The following FBXO10 variants were observed in gnomAD, a reference collection of about 807,000 sequenced individuals.
FBXO10 encodes the protein F-box protein 10, also known as F-box only protein 10.
Under a neutral mutation model 80.7 loss-of-function variants are expected in FBXO10, and 39 were observed. That is an observed-to-expected ratio of 0.48 (90% CI 0.37 to 0.63). The LOEUF (loss-of-function observed/expected upper bound fraction) is 0.63, where lower values mean the gene tolerates loss of function less well. Ranked by LOEUF, FBXO10 falls within the 30% of genes least tolerant of loss-of-function variation. The probability of loss-of-function intolerance (pLI) is 0.00; values close to 1 mark genes in which losing one functional copy is unlikely to be tolerated. For synonymous variants in FBXO10, 449 were observed against 489.6 expected (o/e 0.92, Z 1.09); for missense variants, 1,025 against 1,269.0 (o/e 0.81, Z 2.92).
At chr9:37,561,173 CTT>C (rs78284002) in intron 1 of FBXO10, among the ~76,000 whole-genome samples, 8,138 of 129,740 alleles carry the variant, frequency 0.063, 330 homozygotes, top group South Asian at 0.18. Context: ...ACAAAATCAA[CTT>C]TTTTTTTTTT....
At chr9:37,525,786 G>A (rs951353621) in intron 5 of FBXO10, among the ~76,000 whole-genome samples, 3 of 152,026 alleles carry the variant, frequency 2.0e-5, no homozygotes, top group Admixed American at 6.6e-5. Context: ...TGACCCATCC[G>A]CCTCAGCCTC....
intron 1 of FBXO10, among the ~76,000 whole-genome samples, chr9:37,547,781 C>T (rs981528252): frequency 1.3e-5 from 2 of 152,106 alleles, no homozygotes; most frequent in Non-Finnish European, 2.9e-5. Context: ...CATAGCAAGA[C>T]CCCGTCTCTA....
At chr9:37,529,086 G>A in intron 5 of FBXO10, 38 bp downstream of exon 5, 1 of 1,612,854 alleles carries the variant, frequency 6.2e-7, no homozygotes, top group African/African-American at 1.3e-5. Context: ...ACAGGGAGGA[G>A]GTTAACAAAG....
In FBXO10 at chr9:37,541,734, C is replaced by G; in HGVS notation, c.35G>C (p.Arg12Pro). The G allele has an allele frequency of 6.2e-7, 1 of 1,609,814 alleles. No individual in the cohort carries two copies. Among genetic ancestry groups the G allele is most frequent in the Non-Finnish European group, 8.5e-7 (1 of 1,177,350 alleles). ...AAGGTGCAAGTAGGCTAAGATCATG[C>G]GCCACAGCTCCAAGGGGAGGCCACC... ...EAGGLPLELW[R>P]MILAYLHLPD... Residue 12 changes from arginine (R) to proline (P), a missense_variant, in exon 2 of 11, where the codon CGC (arginine) becomes CCC (proline). Physicochemically the swap from Arg to Pro is moderately radical, Grantham distance 103. Coordinates refer to ENST00000432825, the MANE Select transcript of FBXO10 (RefSeq NM_012166.3).
Position 37,515,963 on chromosome 9 carries a change from CT to C in FBXO10, c.2636del (p.Gln879ArgfsTer28), listed in dbSNP as rs763058037. The C allele has an allele frequency of 6.2e-7, 1 of 1,614,036 alleles. No individual in the cohort carries two copies. The highest frequency in any genetic ancestry group is 8.5e-7 in the Non-Finnish European group (1 of 1,179,896). Reference sequence around the variant, plus strand: ...TGATGCATTCTCGGTTGTTTGAGATCTGCTGAAAGATGGTCTTACTGGTTTT... The same window carrying C: ...TGATGCATTCTCGGTTGTTTGAGATCGCTGAAAGATGGTCTTACTGGTTTT... ...QGKTSKTIFQQISNNRECIMQ... is the reference protein window; with the variant it reads ...QGKTSKTIFQXISNNRECIMQ... On this transcript the variant is annotated frameshift_variant, in exon 10 of 11. Coordinates refer to ENST00000432825, the MANE Select transcript of FBXO10 (RefSeq NM_012166.3). LOFTEE classifies it high-confidence loss of function.
At chr9:37,566,458 GGAA>G (rs1563891233) in intron 1 of FBXO10, among the ~76,000 whole-genome samples, 15 of 37,942 alleles carry the variant, frequency 4.0e-4, no homozygotes, top group South Asian at 1.6e-3. Context: ...ACTCTGTCTC[GGAA>G]AAAAAAAAAA....
At chr9:37,519,271 A>T (rs1188116683) in intron 8 of FBXO10, among the ~76,000 whole-genome samples, 2 of 152,208 alleles carry the variant, frequency 1.3e-5, no homozygotes, top group African/African-American at 4.8e-5. Flanking sequence ...TAAGCGAGTA[A>T]TATGTGTCAA....
chr9:37,532,225 C>T (rs775230250), intron 3 of FBXO10, among the ~76,000 whole-genome samples, 167 bp from the exon 4 acceptor site: 49 of 152,164 alleles, frequency 3.2e-4, no homozygotes, highest in Non-Finnish European at 4.6e-4. Flanking sequence ...TGTGTGCTCC[C>T]AGGACACAGC....
intron 1 of FBXO10, among the ~76,000 whole-genome samples, chr9:37,544,077 GCTAATACAGTGAAACCCTGCCT>G (rs1233584959): frequency 3.3e-5 from 5 of 152,204 alleles, no homozygotes; most frequent in African/African-American, 9.7e-5. Context: ...GACCAGCCTG[GCTAATACAGTGAAACCCTGCCT>G]CTACTAAAAA....
intron 9 of FBXO10, 66 bp downstream of exon 9, chr9:37,518,059 C>G (rs893438706): frequency 3.5e-5 from 52 of 1,494,836 alleles, no homozygotes; most frequent in Non-Finnish European, 4.4e-5. Context: ...GCAGAGGCCA[C>G]GAGGACTATC....
chr9:37,547,633 A>C (rs1822090069), intron 1 of FBXO10, among the ~76,000 whole-genome samples: 1 of 151,980 alleles, frequency 6.6e-6, no homozygotes, highest in South Asian at 2.1e-4. Flanking sequence ...CAAAACAAAA[A>C]AGACAAAACT....
At chr9:37,563,117 T>G (rs1472403530) in intron 1 of FBXO10, among the ~76,000 whole-genome samples, 1 of 152,192 alleles carries the variant, frequency 6.6e-6, no homozygotes, top group African/African-American at 2.4e-5. Flanking sequence ...CAAGATCTGA[T>G]GGTTTTATAA....
chr9:37,545,737 G>A (rs536139274), intron 1 of FBXO10, among the ~76,000 whole-genome samples: 5 of 152,300 alleles, frequency 3.3e-5, no homozygotes, highest in African/African-American at 4.8e-5. Flanking sequence ...TTCAGGCCAT[G>A]ACAGAATAAC....
In FBXO10 at chr9:37,541,438, T is replaced by G. The variant is rs1243767367; in HGVS notation, c.331A>C (p.Ser111Arg). 1 of 1,613,948 alleles carries G rather than the reference T, an allele frequency of 6.2e-7. No homozygotes were observed. Among genetic ancestry groups the G allele is most frequent in the South Asian group, 1.1e-5 (1 of 91,074 alleles). ...FRRRRERRTLSVGPGREFDSL... is the reference protein window; with the variant it reads ...FRRRRERRTLRVGPGREFDSL... ...TCAAACTCACGGCCTGGCCCAACACTCAGGGTACGTCGTTCCCTCCTCCGG... is the reference window on the plus strand; with the variant it reads ...TCAAACTCACGGCCTGGCCCAACACGCAGGGTACGTCGTTCCCTCCTCCGG... The change falls in exon 2 of 11, where the codon AGT becomes CGT. Residue 111 changes from serine to arginine, a missense_variant. Around this residue, in one of 3 missense-constraint regions of FBXO10, gnomAD observed 450 missense variants for 499.4 expected, o/e 0.90. Coordinates refer to ENST00000432825, the MANE Select transcript of FBXO10 (RefSeq NM_012166.3).
chr9:37,526,797 CTTAT>C (rs967981630), intron 5 of FBXO10, among the ~76,000 whole-genome samples: 26 of 150,146 alleles, frequency 1.7e-4, no homozygotes, highest in African/African-American at 6.1e-4. Context: ...CTCCTGCTCT[CTTAT>C]TTATTTATTT....
At chr9:37,527,861 TAATTGTTTTTA>T (rs1821513708) in intron 5 of FBXO10, among the ~76,000 whole-genome samples, 1 of 152,218 alleles carries the variant, frequency 6.6e-6, no homozygotes, top group Admixed American at 6.5e-5. Flanking sequence ...CTATGACCAC[TAATTGTTTTTA>T]GTAAGCTGTC....
At chr9:37,530,124 T>C (rs1821580733) in intron 4 of FBXO10, among the ~76,000 whole-genome samples, 1 of 152,246 alleles carries the variant, frequency 6.6e-6, no homozygotes, top group African/African-American at 2.4e-5. Context: ...ATTTTTAGAT[T>C]AGAATAATAA....
chr9:37,525,311 G>A, intron 5 of FBXO10, 139 bp from the exon 6 acceptor site: 1 of 748,066 alleles, frequency 1.3e-6, no homozygotes, highest in Non-Finnish European at 2.2e-6. Context: ...GTGTGCACCT[G>A]TAGTCCCAGC....
At chr9:37,570,163 T>C (rs1268641405) in intron 1 of FBXO10, among the ~76,000 whole-genome samples, 2 of 151,978 alleles carry the variant, frequency 1.3e-5, no homozygotes, top group Admixed American at 1.3e-4. Flanking sequence ...ACAAAAACAT[T>C]AGCTGGGCAT....
Sources: gnomAD v4.1 joint callset for allele counts (sites outside exome capture counted in the v4.1 genomes callset) on GRCh38, gnomAD v4.1.1 for gene constraint, gnomAD v4.1.1 regional missense constraint, MANE v1.5 for transcripts, NCBI Gene and HGNC (gene_info 2026-07-23, HGNC 2026-07-21) for gene names.